CADM2: variants seen among roughly 807,000 people sequenced by gnomAD.
CADM2 encodes the protein cell adhesion molecule 2, also known as immunoglobulin superfamily member 4D.
Under a neutral mutation model 49.8 loss-of-function variants are expected in CADM2, and 12 were observed. The ratio of observed to expected loss-of-function variants is 0.24; its 90% CI spans 0.15 to 0.39. The LOEUF is 0.39. Ranked by LOEUF, CADM2 falls within the 10% of genes least tolerant of loss-of-function variation. CADM2 has a pLI of 1.00. For missense variants in CADM2, 378 were observed against 492.3 expected (o/e 0.77, Z 2.20); for synonymous variants, 214 against 175.4 (o/e 1.22, Z -1.74).
intron 1 of CADM2, among the ~76,000 whole-genome samples, chr3:85,014,620 G>A (rs1202960028): frequency 6.6e-6 from 1 of 152,108 alleles, no homozygotes; most frequent in African/African-American, 2.4e-5. Flanking sequence ...GAGGATTAGG[G>A]ATGCAGGTGC....
chr3:85,484,814 C>T (rs982829209), intron 1 of CADM2, among the ~76,000 whole-genome samples: 2 of 151,966 alleles, frequency 1.3e-5, no homozygotes, highest in African/African-American at 2.4e-5. Context: ...ATTGACCTCA[C>T]TGATTCTTTA....
intron 1 of CADM2, among the ~76,000 whole-genome samples, chr3:85,155,439 G>A (rs1386155551): frequency 6.6e-6 from 1 of 152,066 alleles, no homozygotes; most frequent in Non-Finnish European, 1.5e-5. Flanking sequence ...GATTCATAAA[G>A]CAAGTCCTGA....
chr3:85,074,915 C>A (rs1418559150), intron 1 of CADM2, among the ~76,000 whole-genome samples: 1 of 150,048 alleles, frequency 6.7e-6, no homozygotes. Flanking sequence ...AGAGGTATTC[C>A]TCTCAAAAAA....
At chr3:85,674,350 A>G (rs2065830914) in intron 1 of CADM2, among the ~76,000 whole-genome samples, 2 of 152,220 alleles carry the variant, frequency 1.3e-5, no homozygotes, top group South Asian at 4.1e-4. Flanking sequence ...AGAAGTTGTT[A>G]TTATTCTTTT....
chr3:85,212,875 T>TG (rs2041826625), intron 1 of CADM2, among the ~76,000 whole-genome samples: 2 of 133,090 alleles, frequency 1.5e-5, no homozygotes, highest in Admixed American at 7.6e-5. Context: ...TCTTTCTTTC[T>TG]TTCTTTCTTT....
chr3:85,921,082 G>A (rs1719042323), intron 6 of CADM2, among the ~76,000 whole-genome samples: 1 of 151,784 alleles, frequency 6.6e-6, no homozygotes, highest in Admixed American at 6.6e-5. Flanking sequence ...CAGTCTAATA[G>A]AGAATAAAAA....
At chr3:85,733,407 T>C (rs1237432359) in intron 2 of CADM2, among the ~76,000 whole-genome samples, 2 of 152,222 alleles carry the variant, frequency 1.3e-5, no homozygotes, top group African/African-American at 4.8e-5. Context: ...TTTCTCACTG[T>C]ATAGGGATAT....
chr3:85,851,287 A>C (rs1169812198), intron 3 of CADM2, among the ~76,000 whole-genome samples: 2 of 152,134 alleles, frequency 1.3e-5, no homozygotes, highest in Non-Finnish European at 2.9e-5. Flanking sequence ...AATAAGCATA[A>C]GAAGGTGAAG....
intron 3 of CADM2, among the ~76,000 whole-genome samples, chr3:85,846,437 TAA>T (rs2074883224): frequency 6.6e-6 from 1 of 152,174 alleles, no homozygotes; most frequent in African/African-American, 2.4e-5. Context: ...TGCCAATTCC[TAA>T]CTCTCCAAGT....
rs192997055 is a variant in CADM2 at position 85,389,641 on chromosome 3, T to A, written c.62-336881T>A. 5.8e-3 allele frequency among the ~76,000 whole-genome samples: 881 copies of A among 152,230 alleles called. 5 individuals are homozygous for A. The highest frequency in any genetic ancestry group is 0.01 in the Non-Finnish European group (693 of 67,974). ...CCTTCTTTTGCCGAGTTCTTTATAG[T>A]TACTAGAGACATTTCCTATATTTTC... On this transcript the variant is annotated intron_variant, in intron 1 of 9. Transcript: ENST00000383699.
intron 1 of CADM2, among the ~76,000 whole-genome samples, chr3:85,348,927 A>G (rs905223061): frequency 6.6e-6 from 1 of 152,120 alleles, no homozygotes; most frequent in African/African-American, 2.4e-5. Flanking sequence ...AATGAATTTG[A>G]TTCAAATACA....
chr3:85,528,786 A>G (rs374083653), intron 1 of CADM2, among the ~76,000 whole-genome samples: 2 of 152,208 alleles, frequency 1.3e-5, no homozygotes, highest in East Asian at 3.8e-4. Context: ...TCCCAGATTT[A>G]GAGAGTCACT....
rs1397834564 is a variant in CADM2, at chr3:85,524,426, A to G, written c.62-202096A>G. Among the ~76,000 whole-genome samples the G allele has an allele frequency of 3.3e-5, 5 of 152,044 alleles. No individual in the cohort carries two copies. The East Asian group carries it at 9.6e-4, about 29-fold the overall frequency. On this transcript the variant is annotated intron_variant, in intron 1 of 9. Transcript: ENST00000383699. Reference sequence around the variant, plus strand: ...TTTTCATTTTCATTTAGTTATTTATATGTTTGCTATTTAGTTTTCAATAGT... The same window carrying G: ...TTTTCATTTTCATTTAGTTATTTATGTGTTTGCTATTTAGTTTTCAATAGT...
chr3:85,192,121 AT>A lies in CADM2; in HGVS notation c.61+232455del, dbSNP rs551876707. Among the ~76,000 whole-genome samples the A allele has an allele frequency of 6.9e-3, 1,047 of 152,184 alleles. 10 individuals are homozygous for A. The highest frequency in any genetic ancestry group is 0.023 in the African/African-American group (957 of 41,544). On this transcript the variant is annotated intron_variant, in intron 1 of 9. Coordinates refer to ENST00000383699, the MANE Select transcript of CADM2 (RefSeq NM_001167675.2). Reference sequence around the variant, plus strand: ...TCATAGTAAAAAAAAAAGACATCAAATTGTCTAGAAAGAAGCATAGAGATTA... The same window carrying A: ...TCATAGTAAAAAAAAAAGACATCAAATGTCTAGAAAGAAGCATAGAGATTA...
intron 8 of CADM2, among the ~76,000 whole-genome samples, chr3:86,044,262 G>C (rs1736345545): frequency 1.3e-5 from 2 of 152,146 alleles, no homozygotes; most frequent in South Asian, 2.1e-4. Context: ...ACTACCATCA[G>C]AGTGAACAGG....
chr3:85,546,877 A>G (rs957083604), intron 1 of CADM2, among the ~76,000 whole-genome samples: 8 of 152,202 alleles, frequency 5.3e-5, no homozygotes, highest in African/African-American at 1.9e-4. Context: ...AAGACTATGC[A>G]TATATAGCAG....
At chr3:84,976,135 A>G (rs1203910001) in intron 1 of CADM2, among the ~76,000 whole-genome samples, 2 of 151,802 alleles carry the variant, frequency 1.3e-5, no homozygotes, top group Non-Finnish European at 3.0e-5. Context: ...TTTGTATTAT[A>G]ATACTTTCTA....
chr3:85,633,028 A>G (rs9819299), intron 1 of CADM2, among the ~76,000 whole-genome samples: 9,463 of 152,072 alleles, frequency 0.062, 805 homozygotes, highest in African/African-American at 0.2. Flanking sequence ...ACCTTGGGAA[A>G]CCTGCATAGT....
intron 1 of CADM2, among the ~76,000 whole-genome samples, chr3:85,273,244 T>C (rs1409663284): frequency 6.6e-6 from 1 of 151,344 alleles, no homozygotes; most frequent in African/African-American, 2.4e-5. Context: ...AGGTAAAATT[T>C]AATGAGGGCT....
Sources: allele counts gnomAD v4.1 joint callset (sites outside exome capture counted in the v4.1 genomes callset), GRCh38; gene constraint gnomAD v4.1.1; transcripts MANE v1.5; gene names NCBI Gene and HGNC (gene_info 2026-07-23, HGNC 2026-07-21).